Variants in ART4 observed in about 807,000 individuals in gnomAD.
ART4 encodes ADP-ribosyltransferase 4 (inactive) (Dombrock blood group).
In ART4, 14 loss-of-function variants were observed where a neutral mutation model predicts 24.2. The ratio of observed to expected loss-of-function variants is 0.58; its 90% CI spans 0.38 to 0.90. The LOEUF is 0.90. Among genes scored for constraint, ART4 ranks in the 40% least tolerant of loss-of-function variants. The pLI, the probability that ART4 is intolerant of heterozygous loss-of-function variation, is 0.00. For missense variants in ART4, 356 were observed against 366.6 expected, an observed-to-expected ratio of 0.97 and a Z score of 0.24; for synonymous variants, 145 against 139.9, an observed-to-expected ratio of 1.04 and a Z score of -0.26.
rs1950362838 is a variant in ART4 at position 14,826,879 on chromosome 12, C to T, written c.*2492G>A. 6.6e-6 allele frequency: 1 copy of T among 152,250 alleles called. No individual in the cohort carries two copies. The highest frequency in any genetic ancestry group is 6.5e-5 in the Admixed American group (1 of 15,278). The allele number at this position is 152,250 out of a possible 1,614,324, so 9.4% of individuals were successfully genotyped here. On this transcript the variant is annotated 3_prime_UTR_variant, in exon 3 of 3. Coordinates refer to ENST00000228936, the MANE Select transcript of ART4 (RefSeq NM_021071.4). ...TTGGCCTTGTTTTGGGCACTACGCACTTGGCACATACTCTTTCTTGTTTTT... is the reference window on the plus strand; with the variant it reads ...TTGGCCTTGTTTTGGGCACTACGCATTTGGCACATACTCTTTCTTGTTTTT...
In ART4 at chr12:14,840,464, A is replaced by T; in HGVS notation, c.834T>A (p.Tyr278Ter). 6.2e-7 allele frequency: 1 copy of T among 1,611,856 alleles called. No individual in the cohort carries two copies. The highest frequency in any genetic ancestry group is 2.2e-5 in the East Asian group (1 of 44,880). The change falls in exon 2 of 3, where the codon TAT (tyrosine) becomes TAA (stop). Residue 278 changes from tyrosine to a stop codon, truncating the protein, a stop_gained. Transcript: ENST00000228936. LOFTEE classifies it low-confidence loss of function (END_TRUNC). ...QLRSTGNLST[Y>*]NCQLLKASSK... is the part of the protein sequence containing the mutation. ...GAATACCTTTTAGCAGCTGACAGTT[A>T]TATGTGCTCAGGTTCCCAGTTGACC...
Position 14,843,081 on chromosome 12 carries a change from A to C in ART4, c.33T>G (p.Ile11Met), listed in dbSNP as rs774083044. The C allele has an allele frequency of 1.2e-6, 2 of 1,614,182 alleles. No individual in the cohort carries two copies. The highest frequency in any genetic ancestry group is 1.7e-6 in the Non-Finnish European group (2 of 1,180,010). Residue 11 changes from isoleucine to methionine, a missense_variant, in exon 1 of 3, where the codon ATT becomes ATG. By Grantham distance (10) the Ile-to-Met change is conservative. Transcript: ENST00000228936. ...CAGGAGGTACAGTAGTTGGGAGAAG[A>C]ATCTTCTTGCATCTGTTGATCAATG... MGPLINRCKK[I>M]LLPTTVPPAT...
chr12:14,837,424 G>A (rs1950438094), intron 2 of ART4, among the ~76,000 whole-genome samples: 1 of 152,016 alleles, frequency 6.6e-6, no homozygotes, highest in African/African-American at 2.4e-5. Flanking sequence ...AAAATAGGCT[G>A]GGCACTTCTA....
Position 14,829,220 on chromosome 12 carries a change from A to G in ART4, c.*151T>C. The G allele has an allele frequency of 3.8e-6, 2 of 529,272 alleles. No homozygotes were observed. Among genetic ancestry groups the G allele is most frequent in the South Asian group, 3.8e-5 (1 of 26,604 alleles). 32.8% of individuals were successfully genotyped at this position (529,272 alleles called of 1,614,324 possible). On this transcript the variant is annotated 3_prime_UTR_variant, in exon 3 of 3. Transcript: ENST00000228936. ...AGGGGTACAAGGAAAGGCATAAGAG[A>G]ATTAGCAAAGAGGAGGCCATGCACT... is the stretch of plus-strand genomic sequence containing the variant.
At position 14,843,159 on chromosome 12, in the gene ART4, C is replaced by T. The variant is rs1419941306; in HGVS notation, c.-46G>A. The T allele has an allele frequency of 6.2e-7, 1 of 1,607,882 alleles. No homozygotes were observed. The highest frequency in any genetic ancestry group is 1.3e-5 in the African/African-American group (1 of 74,796). ...TCTCCTTTGCCCTTGCAGCTTCATC[C>T]TGAGATGAATTCTCAGAGTTCTCCT... On this transcript the variant is annotated 5_prime_UTR_variant, in exon 1 of 3. Coordinates refer to ENST00000228936, the MANE Select transcript of ART4 (RefSeq NM_021071.4).
chr12:14,841,502 T>G (rs1000585943), intron 1 of ART4, among the ~76,000 whole-genome samples: 1 of 152,182 alleles, frequency 6.6e-6, no homozygotes, highest in Non-Finnish European at 1.5e-5. Flanking sequence ...TTCCTCTACT[T>G]TCCCCCCTCT....
At chr12:14,841,954 C>A (rs1300112953) in intron 1 of ART4, among the ~76,000 whole-genome samples, 1 of 152,184 alleles carries the variant, frequency 6.6e-6, no homozygotes, top group Non-Finnish European at 1.5e-5. Flanking sequence ...TGTTACCAGT[C>A]AAGTACATTT....
chr12:14,841,013 C>T lies in ART4; in HGVS notation c.285G>A (p.Arg95=). Residue 95 remains arginine, a synonymous_variant, in exon 2 of 3, where the codon AGG becomes AGA. Coordinates refer to ENST00000228936, the MANE Select transcript of ART4 (RefSeq NM_021071.4). ...AGGCTAAGTGGGCTTTTTGCCACAT[C>T]CTAAAATAATTCTTCTGGGCTTCTA... ...KDIEAQKNYF[R]MWQKAHLAWL... 2 of 1,614,172 alleles carry T rather than the reference C, an allele frequency of 1.2e-6. No individual in the cohort carries two copies. Among genetic ancestry groups the T allele is most frequent in the Non-Finnish European group, 1.7e-6 (2 of 1,180,030 alleles).
chr12:14,843,348 A>G lies in ART4; in HGVS notation c.-235T>C. 1 of 440,768 alleles carries G rather than the reference A, an allele frequency of 2.3e-6. No individual in the cohort carries two copies. Among genetic ancestry groups the G allele is most frequent in the Non-Finnish European group, 4.1e-6 (1 of 242,054 alleles). The allele number at this position is 440,768 out of a possible 1,614,324, so 27.3% of individuals were successfully genotyped here. ...TGAAATAGCCAGATGCGCACACCAA[A>G]TAAGGGTTTCTAAAGAGAACCCAAG... On this transcript the variant is annotated 5_prime_UTR_variant, in exon 1 of 3. Coordinates refer to ENST00000228936, the MANE Select transcript of ART4 (RefSeq NM_021071.4).
chr12:14,834,334 G>A (rs1028916216), intron 2 of ART4, among the ~76,000 whole-genome samples: 12 of 152,028 alleles, frequency 7.9e-5, no homozygotes, highest in African/African-American at 2.9e-4. Context: ...GAAGCCCAGA[G>A]TAAAAGAAAA....
chr12:14,832,188 C>G (rs1950401207), intron 2 of ART4, among the ~76,000 whole-genome samples: 1 of 152,184 alleles, frequency 6.6e-6, no homozygotes, highest in African/African-American at 2.4e-5. Flanking sequence ...AAGCCAAAGT[C>G]CTTACAACTG....
At chr12:14,835,794 C>T (rs1257137641) in intron 2 of ART4, among the ~76,000 whole-genome samples, 4 of 151,822 alleles carry the variant, frequency 2.6e-5, no homozygotes, top group African/African-American at 7.3e-5. Context: ...TTAGTAGAGA[C>T]GGCTTTCACC....
At chr12:14,834,848 T>C (rs747163666) in intron 2 of ART4, among the ~76,000 whole-genome samples, 1 of 152,204 alleles carries the variant, frequency 6.6e-6, no homozygotes. Flanking sequence ...AATTTTTCCT[T>C]TTGCAAATTT....
At chr12:14,834,203 A>G (rs995368478) in intron 2 of ART4, among the ~76,000 whole-genome samples, 3 of 152,208 alleles carry the variant, frequency 2.0e-5, no homozygotes, top group Non-Finnish European at 4.4e-5. Flanking sequence ...ACTTTCCACC[A>G]TGCCGTGTGG....
intron 2 of ART4, 174 bp downstream of exon 2, chr12:14,840,271 G>T: frequency 1.7e-6 from 1 of 582,772 alleles, no homozygotes; most frequent in Non-Finnish European, 3.0e-6. Flanking sequence ...GGAGTAGGAA[G>T]AAAAGAGAAG....
Position 14,840,636 on chromosome 12 carries a change from C to G in ART4, c.662G>C (p.Gly221Ala), listed in dbSNP as rs764519104. The change falls in exon 2 of 3, where the codon GGG becomes GCG. Residue 221 changes from glycine (G) to alanine (A), a missense_variant. Transcript: ENST00000228936. ...GAATATGGTAAATAGTGTCTGGTTC[C>G]CAAACTCCTGTGCCTCTTCTTTCAG... ...SLLKEEAQEF[G>A]NQTLFTIFTC... The G allele has an allele frequency of 1.2e-6, 2 of 1,613,966 alleles. No homozygotes were observed. Among genetic ancestry groups the G allele is most frequent in the Non-Finnish European group, 1.7e-6 (2 of 1,180,022 alleles).
chr12:14,828,635 G>C lies in ART4; in HGVS notation c.*736C>G, dbSNP rs1950374063. The C allele has an allele frequency of 6.6e-6, 1 of 152,042 alleles. No homozygotes were observed. Among genetic ancestry groups the C allele is most frequent in the South Asian group, 2.1e-4 (1 of 4,822 alleles). The allele number at this position is 152,042 out of a possible 1,614,324, so 9.4% of individuals were successfully genotyped here. On this transcript the variant is annotated 3_prime_UTR_variant, in exon 3 of 3. Coordinates refer to ENST00000228936, the MANE Select transcript of ART4 (RefSeq NM_021071.4). ...GAATAACTAAATTAAAAAAAATAAG[G>C]AAGAGTGCTTGTATTCGTTGGAACT... is the stretch of plus-strand genomic sequence containing the variant.
At chr12:14,832,069 C>T (rs1195067788) in intron 2 of ART4, among the ~76,000 whole-genome samples, 3 of 152,082 alleles carry the variant, frequency 2.0e-5, no homozygotes, top group Admixed American at 6.5e-5. Context: ...CTTGGTTTCT[C>T]TGCTTACCTC....
At chr12:14,833,513 C>T (rs543271609) in intron 2 of ART4, among the ~76,000 whole-genome samples, 3 of 152,220 alleles carry the variant, frequency 2.0e-5, no homozygotes, top group African/African-American at 7.2e-5. Flanking sequence ...ATCAGTACAG[C>T]GGAGTCAATA....
Sources: gnomAD v4.1 joint callset for allele counts (sites outside exome capture counted in the v4.1 genomes callset) on GRCh38, gnomAD v4.1.1 for gene constraint, MANE v1.5 for transcripts, NCBI Gene and HGNC (gene_info 2026-07-23, HGNC 2026-07-21) for gene names.